Variants in MAGI2 observed in about 807,000 individuals in gnomAD.
The protein encoded by MAGI2 is membrane-associated guanylate kinase, WW and PDZ domain-containing protein 2.
In MAGI2, 35 loss-of-function variants were observed where a neutral mutation model predicts 133.3. That is an observed-to-expected ratio of 0.26 (90% CI 0.20 to 0.35). MAGI2 has a LOEUF of 0.35. Ranked by LOEUF, MAGI2 falls within the 10% of genes least tolerant of loss-of-function variation. MAGI2 has a pLI of 1.00. For synonymous variants in MAGI2, 729 were observed against 710.6 expected (o/e 1.03, Z -0.41); for missense variants, 1,636 against 1,863.4 (o/e 0.88, Z 2.25).
At chr7:78,045,503 C>T (rs1811328867) in intron 21 of MAGI2, among the ~76,000 whole-genome samples, 1 of 151,296 alleles carries the variant, frequency 6.6e-6, no homozygotes, top group African/African-American at 2.4e-5. Context: ...AAATATGATA[C>T]AATGTGTTAA....
At chr7:79,376,855 G>A (rs2129139132) in intron 1 of MAGI2, among the ~76,000 whole-genome samples, 1 of 142,664 alleles carries the variant, frequency 7.0e-6, no homozygotes, top group East Asian at 2.0e-4. Flanking sequence ...TATGGCGTGT[G>A]TATTCAACAC....
intron 6 of MAGI2, among the ~76,000 whole-genome samples, chr7:78,457,158 C>T (rs1020207042): frequency 6.6e-6 from 1 of 152,162 alleles, no homozygotes; most frequent in African/African-American, 2.4e-5. Context: ...CTAGCCCTGC[C>T]CCGCTTTAGG....
chr7:79,245,688 C>T (rs1832768556), intron 1 of MAGI2, among the ~76,000 whole-genome samples: 1 of 152,188 alleles, frequency 6.6e-6, no homozygotes, highest in African/African-American at 2.4e-5. Flanking sequence ...TCTGGACCCA[C>T]CTGGGATCAG....
At chr7:78,850,568 C>T (rs1450002406) in intron 2 of MAGI2, among the ~76,000 whole-genome samples, 1 of 152,052 alleles carries the variant, frequency 6.6e-6, no homozygotes, top group Non-Finnish European at 1.5e-5. Context: ...ATAAATTCAT[C>T]TTTCATGGTG....
chr7:78,336,989 G>A (rs1343265097), intron 9 of MAGI2, among the ~76,000 whole-genome samples: 2 of 152,056 alleles, frequency 1.3e-5, no homozygotes, highest in Non-Finnish European at 2.9e-5. Flanking sequence ...CTTCTCTCTC[G>A]TGTATGCTGC....
intron 6 of MAGI2, among the ~76,000 whole-genome samples, chr7:78,438,284 A>T (rs1257956810): frequency 5.3e-5 from 8 of 151,796 alleles, no homozygotes; most frequent in Admixed American, 5.3e-4. Flanking sequence ...AAAAAAAAAA[A>T]ATCCTGAGCC....
At chr7:79,221,206 T>G (rs1328928305) in intron 1 of MAGI2, among the ~76,000 whole-genome samples, 1 of 152,096 alleles carries the variant, frequency 6.6e-6, no homozygotes. Flanking sequence ...TGACTTCTTA[T>G]AAAGCAGCAC....
chr7:78,416,101 C>T (rs115148603), intron 6 of MAGI2, among the ~76,000 whole-genome samples: 45 of 152,106 alleles, frequency 3.0e-4, no homozygotes, highest in Admixed American at 5.9e-4. Context: ...GTGGTGACAG[C>T]GAAGGTCTGA....
chr7:78,526,998 C>G (rs1966422), intron 3 of MAGI2, among the ~76,000 whole-genome samples: 27,906 of 86,224 alleles, frequency 0.32, 3,925 homozygotes, highest in South Asian at 0.57. Flanking sequence ...CAGGGCAAGA[C>G]TCCATCTCAA....
At chr7:79,421,800 C>T (rs1410350874) in intron 1 of MAGI2, among the ~76,000 whole-genome samples, 2 of 151,940 alleles carry the variant, frequency 1.3e-5, no homozygotes, top group African/African-American at 4.8e-5. Flanking sequence ...CTTGAGTGCC[C>T]GAAGATAAAA....
chr7:79,364,283 T>C (rs1232520991), intron 1 of MAGI2, among the ~76,000 whole-genome samples: 3 of 152,028 alleles, frequency 2.0e-5, no homozygotes, highest in Non-Finnish European at 2.9e-5. Context: ...CAAAGAGATA[T>C]GAAGACTATG....
At chr7:79,023,639 TCAGGATATA>T (rs1809561779) in intron 1 of MAGI2, among the ~76,000 whole-genome samples, 1 of 152,136 alleles carries the variant, frequency 6.6e-6, no homozygotes, top group African/African-American at 2.4e-5. Context: ...CAGCAAAGCT[TCAGGATATA>T]CAATCAATGT....
intron 7 of MAGI2, chr7:78,350,387 A>G (rs987211353): frequency 2.4e-4 from 36 of 152,216 alleles, no homozygotes; most frequent in African/African-American, 8.0e-4. Flanking sequence ...ACTGATTCAT[A>G]ATTTCAGAAT....
At chr7:78,857,830 A>G (rs552048132) in intron 2 of MAGI2, among the ~76,000 whole-genome samples, 1 of 152,214 alleles carries the variant, frequency 6.6e-6, no homozygotes, top group Non-Finnish European at 1.5e-5. Context: ...AAGGAATGGT[A>G]CCAGATCCTC....
chr7:78,847,733 A>T (rs1040963609), intron 2 of MAGI2, among the ~76,000 whole-genome samples: 16 of 151,894 alleles, frequency 1.1e-4, no homozygotes, highest in African/African-American at 3.9e-4. Flanking sequence ...CTCTATCTAA[A>T]ATGGCACCCT....
chr7:79,359,697 CACACACACACACACACAG>C (rs1274045899), intron 1 of MAGI2, among the ~76,000 whole-genome samples: 73 of 151,240 alleles, frequency 4.8e-4, no homozygotes, highest in African/African-American at 1.7e-3. Flanking sequence ...CACACACACA[CACACACACACACACACAG>C]AAAACAAAAA....
At chr7:78,776,684 T>C (rs1184261669) in intron 2 of MAGI2, among the ~76,000 whole-genome samples, 5 of 152,240 alleles carry the variant, frequency 3.3e-5, no homozygotes, top group African/African-American at 9.6e-5. Flanking sequence ...ATGTTTAGTG[T>C]AGATAGGGTA....
chr7:79,109,750 G>A (rs1249525557), intron 1 of MAGI2, among the ~76,000 whole-genome samples: 2 of 152,076 alleles, frequency 1.3e-5, no homozygotes, highest in Admixed American at 1.3e-4. Context: ...CAAGAATATG[G>A]AAAAAGTGCC....
chr7:78,077,723 A>ATTTTT lies in MAGI2; in HGVS notation c.3706+1223_3706+1224insAAAAA, dbSNP rs1300577440. Among the ~76,000 whole-genome samples, 34 of 95,962 alleles carry ATTTTT rather than the reference A, an allele frequency of 3.5e-4. 1 individual carries two copies. Among genetic ancestry groups the ATTTTT allele is most frequent in the South Asian group, 7.0e-4 (2 of 2,870 alleles). The allele number at this position is 95,962 out of a possible 152,430, so 63.0% of individuals were successfully genotyped here. A position where few individuals can be genotyped will look rare whatever the true frequency, so the allele number is the denominator to read the frequency against. On this transcript the variant is annotated intron_variant, in intron 21 of 21. Coordinates refer to ENST00000354212, the MANE Select transcript of MAGI2 (RefSeq NM_012301.4). ...TCTGAAATGAAAAGTACTCTTTAGA[A>ATTTTT]TGTTTTTTTTTTTTTTTTTTTTTGA...
Sources: allele counts gnomAD v4.1 joint callset (sites outside exome capture counted in the v4.1 genomes callset), GRCh38; gene constraint gnomAD v4.1.1; transcripts MANE v1.5; gene names NCBI Gene and HGNC (gene_info 2026-07-23, HGNC 2026-07-21).